The following RAPH1 variants were observed in gnomAD, a reference collection of about 807,000 sequenced individuals.
The protein encoded by RAPH1 is ras-associated and pleckstrin homology domains-containing protein 1.
In RAPH1, 18 loss-of-function variants were observed where a neutral mutation model predicts 88.1. The observed-to-expected ratio is 0.20, with a 90% CI of 0.14 to 0.30. RAPH1 has a LOEUF of 0.30. RAPH1 is among the 10% of genes least tolerant of loss of function. RAPH1 has a pLI of 1.00. For missense variants in RAPH1, 1,448 were observed against 1,543.2 expected, an observed-to-expected ratio of 0.94 and a Z score of 1.03; for synonymous variants, 587 against 559.0, an observed-to-expected ratio of 1.05 and a Z score of -0.71.
intron 4 of RAPH1, among the ~76,000 whole-genome samples, chr2:203,464,021 T>C (rs2098526411): frequency 6.6e-6 from 1 of 152,202 alleles, no homozygotes; most frequent in Non-Finnish European, 1.5e-5. Flanking sequence ...TGAAATCAGT[T>C]ACTTGACAAA....
chr2:203,463,185 G>A (rs537391418), intron 4 of RAPH1, among the ~76,000 whole-genome samples: 8 of 149,432 alleles, frequency 5.4e-5, no homozygotes, highest in African/African-American at 2.0e-4. Context: ...CTGGGCAACA[G>A]AGCGAGACTC....
intron 1 of RAPH1, among the ~76,000 whole-genome samples, chr2:203,503,688 G>T (rs980677707): frequency 6.6e-6 from 1 of 152,112 alleles, no homozygotes; most frequent in African/African-American, 2.4e-5. Context: ...ACTAATTTCA[G>T]TATTAACCTG....
At position 203,440,064 on chromosome 2, in the gene RAPH1, T is replaced by C. The variant is rs186211012; in HGVS notation, c.3126A>G (p.Gln1042=). 3.5e-5 allele frequency: 57 copies of C among 1,613,644 alleles called. No individual in the cohort carries two copies. In the Admixed American group the frequency reaches 4.5e-4, roughly 13 times the overall value. The change falls in exon 14 of 14, where the codon CAA becomes CAG. Residue 1042 remains glutamine (Q), a synonymous_variant. Coordinates refer to ENST00000319170, the MANE Select transcript of RAPH1 (RefSeq NM_213589.3). ...GGGCTTTTGCTGACACACACCCTTG[T>C]TGGAGAACTCCAGGAAGGTTGACTC... ...LSGVNLPGVL[Q]QGCVSAKAPV...
chr2:203,493,433 C>T (rs899231909), intron 2 of RAPH1, among the ~76,000 whole-genome samples: 3 of 152,114 alleles, frequency 2.0e-5, no homozygotes, highest in Non-Finnish European at 4.4e-5. Flanking sequence ...GTCAGCTGGC[C>T]CTTGCATACT....
At chr2:203,533,644 AAT>A (rs1360579527) in intron 1 of RAPH1, among the ~76,000 whole-genome samples, 1 of 152,030 alleles carries the variant, frequency 6.6e-6, no homozygotes, top group Non-Finnish European at 1.5e-5. Flanking sequence ...ATTTAGAATT[AAT>A]CTCTCTTCTT....
At chr2:203,469,187 T>A (rs76315060) in intron 4 of RAPH1, among the ~76,000 whole-genome samples, 3,742 of 152,178 alleles carry the variant, frequency 0.025, 156 homozygotes, top group African/African-American at 0.084. Flanking sequence ...GTGTGGACTC[T>A]AGGGAAAGAG....
Position 203,438,226 on chromosome 2 carries a change from A to G in RAPH1, c.*1211T>C, listed in dbSNP as rs774766849. The G allele has an allele frequency of 5.8e-6, 3 of 516,142 alleles. No individual in the cohort carries two copies. The highest frequency in any genetic ancestry group is 1.2e-5 in the Non-Finnish European group (3 of 258,762). 32.0% of individuals were successfully genotyped at this position (516,142 alleles called of 1,614,324 possible). On this transcript the variant is annotated 3_prime_UTR_variant, in exon 14 of 14. Transcript: ENST00000319170. ...ATAAATGAAACTGTCTTCCCTCTCC[A>G]TGTAGTCCCATACTTAATGAGCTTT...
chr2:203,450,897 GTTTTT>G (rs561396388), intron 10 of RAPH1, among the ~76,000 whole-genome samples: 1 of 141,954 alleles, frequency 7.0e-6, no homozygotes, highest in African/African-American at 2.6e-5. Context: ...CAAAAAGAGG[GTTTTT>G]TTTTTTTTTT....
At chr2:203,486,649 C>A (rs760884718) in intron 4 of RAPH1, among the ~76,000 whole-genome samples, 1 of 152,192 alleles carries the variant, frequency 6.6e-6, no homozygotes, top group Non-Finnish European at 1.5e-5. Context: ...CGTAACATAT[C>A]TCATAGAACT....
At chr2:203,453,545 C>CAAAAAAAAAAAAA (rs59304139) in intron 10 of RAPH1, among the ~76,000 whole-genome samples, 1 of 28,268 alleles carries the variant, frequency 3.5e-5, no homozygotes, top group African/African-American at 1.2e-4. Context: ...GACCCTGCCT[C>CAAAAAAAAAAAAA]AAAAAAAAAA....
At position 203,440,958 on chromosome 2, in the gene RAPH1, A is replaced by G. The variant is rs375823077; in HGVS notation, c.2232T>C (p.Pro744=). ...GAACTTGATGGATCTTCAGTGGAGGAGGCGGGGCACTGAACTGTGGAAGGG... is the reference window on the plus strand; with the variant it reads ...GAACTTGATGGATCTTCAGTGGAGGGGGCGGGGCACTGAACTGTGGAAGGG... ...APSLPQFSAP[P]PPLKIHQVQH... The change falls in exon 14 of 14, where the codon CCT becomes CCC. Residue 744 remains proline, a synonymous_variant. Transcript: ENST00000319170. 1 of 1,552,818 alleles carries G rather than the reference A, an allele frequency of 6.4e-7. No homozygotes were observed. The highest frequency in any genetic ancestry group is 2.3e-5 in the East Asian group (1 of 43,292).
In RAPH1 at chr2:203,433,832, A is replaced by C. The variant is rs1334697223; in HGVS notation, c.*5605T>G. 1 of 150,774 alleles carries C rather than the reference A, an allele frequency of 6.6e-6. No homozygotes were observed. Among genetic ancestry groups the C allele is most frequent in the East Asian group, 1.9e-4 (1 of 5,186 alleles). 9.3% of individuals were successfully genotyped at this position (150,774 alleles called of 1,614,324 possible). A position where few individuals can be genotyped will look rare whatever the true frequency, so the allele number is the denominator to read the frequency against. On this transcript the variant is annotated 3_prime_UTR_variant, in exon 14 of 14. Transcript: ENST00000319170. ...TCCCCATGTTTAAATGAAATCTATG[A>C]ATTTTTTTTATTAAGGATTTGATAA...
rs558398052 is a variant in RAPH1, at chr2:203,475,807, T to C, written c.732+13777A>G. Among the ~76,000 whole-genome samples the C allele has an allele frequency of 1.8e-4, 27 of 151,854 alleles. No individual in the cohort carries two copies. The South Asian group carries it at 3.3e-3, about 19-fold the overall frequency. Reference sequence around the variant, plus strand: ...TTCTCTTAAACCCAAAGTTCTTGATTATAGGTAGGTGTAAGGTTTGACTAC... The same window carrying C: ...TTCTCTTAAACCCAAAGTTCTTGATCATAGGTAGGTGTAAGGTTTGACTAC... On this transcript the variant is annotated intron_variant, in intron 4 of 13. Transcript: ENST00000319170.
intron 4 of RAPH1, among the ~76,000 whole-genome samples, chr2:203,474,381 T>TA (rs1323901276): frequency 1.3e-5 from 2 of 152,182 alleles, no homozygotes; most frequent in African/African-American, 4.8e-5. Flanking sequence ...CCACAATTGT[T>TA]AAATGTCCTT....
chr2:203,460,111 C>T (rs1252299363), intron 6 of RAPH1, 83 bp from the exon 7 acceptor site: 3 of 1,195,184 alleles, frequency 2.5e-6, no homozygotes, highest in African/African-American at 3.1e-5. Flanking sequence ...AGTAGTTAAC[C>T]TCAGAACCAC....
chr2:203,448,138 T>C lies in RAPH1; in HGVS notation c.1513-59A>G, dbSNP rs1200596514. ...CTTTACTGAGTATGATACAGAAGGA[T>C]AAGGTGAAATGGGGGACATATTTCT... On this transcript the variant is annotated intron_variant, in intron 11 of 13. Coordinates refer to ENST00000319170, the MANE Select transcript of RAPH1 (RefSeq NM_213589.3). The surrounding 1 kb of genome is among the most constrained non-coding windows in gnomAD (Gnocchi z 4.1). 8 of 1,527,996 alleles carry C rather than the reference T, an allele frequency of 5.2e-6. No individual in the cohort carries two copies. Among genetic ancestry groups the C allele is most frequent in the Non-Finnish European group, 7.2e-6 (8 of 1,112,964 alleles). The allele number at this position is 1,527,996 out of a possible 1,614,324, so 94.7% of individuals were successfully genotyped here.
chr2:203,521,970 G>C (rs1488698868), intron 1 of RAPH1, among the ~76,000 whole-genome samples: 2 of 152,066 alleles, frequency 1.3e-5, no homozygotes, highest in Non-Finnish European at 2.9e-5. Flanking sequence ...AAGAAAAAAG[G>C]AAACTACAAA....
intron 1 of RAPH1, among the ~76,000 whole-genome samples, chr2:203,529,188 G>A (rs1690276307): frequency 6.6e-6 from 1 of 150,970 alleles, no homozygotes; most frequent in Admixed American, 6.6e-5. Flanking sequence ...CCATGTTCAG[G>A]CTGGTCCCAA....
intron 1 of RAPH1, among the ~76,000 whole-genome samples, chr2:203,497,241 T>C (rs1352715005): frequency 6.6e-6 from 1 of 152,186 alleles, no homozygotes; most frequent in East Asian, 1.9e-4. Context: ...AGACACCAAA[T>C]GCCAGTGTTT....
Sources: gnomAD v4.1 joint callset for allele counts (sites outside exome capture counted in the v4.1 genomes callset) on GRCh38, gnomAD v4.1.1 for gene constraint, Gnocchi (gnomAD v3.1) non-coding constraint, MANE v1.5 for transcripts, NCBI Gene and HGNC (gene_info 2026-07-23, HGNC 2026-07-21) for gene names.